The following TENM1 variants were observed in gnomAD, a reference collection of about 807,000 sequenced individuals.
TENM1 encodes the protein teneurin transmembrane protein 1.
TENM1 carries 35 observed loss-of-function variants against 174.8 expected under a neutral mutation model. The observed-to-expected ratio is 0.20, with a 90% CI of 0.15 to 0.27. The LOEUF is 0.27. TENM1 is among the 10% of genes least tolerant of loss of function. TENM1 has a pLI of 1.00. For missense variants in TENM1, 1,633 were observed against 2,130.1 expected, an observed-to-expected ratio of 0.77 and a Z score of 4.59; for synonymous variants, 781 against 798.7, an observed-to-expected ratio of 0.98 and a Z score of 0.37.
intron 3 of TENM1, among the ~76,000 whole-genome samples, chrX:124,859,882 T>G (rs2056882020): frequency 1.8e-5 from 2 of 112,351 alleles, no homozygotes; most frequent in African/African-American, 6.5e-5. Flanking sequence ...TGAGTCATAT[T>G]TCACATATTT....
chrX:124,866,826 T>C (rs138054630), intron 3 of TENM1, among the ~76,000 whole-genome samples: 1,718 of 111,467 alleles, frequency 0.015, 39 homozygotes, highest in African/African-American at 0.051. Context: ...TTACAACTTA[T>C]GCTGCAGAAA....
intron 27 of TENM1, among the ~76,000 whole-genome samples, chrX:124,399,808 A>G (rs1423627722): frequency 9.0e-6 from 1 of 111,010 alleles, no homozygotes; most frequent in African/African-American, 3.3e-5. Flanking sequence ...CTTTACAAAG[A>G]AACAAAAACA....
chrX:125,172,487 TG>T, the TENM1 span, among the ~76,000 whole-genome samples: 1 of 111,227 alleles, frequency 9.0e-6, no homozygotes, highest in East Asian at 2.8e-4. Flanking sequence ...TCCATTTATG[TG>T]GGGGAAGAAG....
chrX:125,158,062 T>C, the TENM1 span, among the ~76,000 whole-genome samples: 9,342 of 110,666 alleles, frequency 0.084, 770 homozygotes, highest in Admixed American at 0.27. Context: ...ATTTTTTGGA[T>C]ATGTTCTTAC....
chrX:125,169,820 C>CAGGCAT, the TENM1 span, among the ~76,000 whole-genome samples: 1 of 107,436 alleles, frequency 9.3e-6, no homozygotes. Context: ...TTGGTCTATT[C>CAGGCAT]ATTACTATAA....
At chrX:125,113,091 T>C in the TENM1 span, among the ~76,000 whole-genome samples, 1 of 111,588 alleles carries the variant, frequency 9.0e-6, no homozygotes, top group East Asian at 2.8e-4. Flanking sequence ...CACCTGTATA[T>C]GGTTAAATGG....
chrX:125,004,750 A>G, the TENM1 span, among the ~76,000 whole-genome samples: 2 of 111,958 alleles, frequency 1.8e-5, no homozygotes, highest in African/African-American at 6.5e-5. Context: ...ACTCCAAGAC[A>G]TCATCATATT....
chrX:125,180,827 G>C, the TENM1 span, among the ~76,000 whole-genome samples: 1 of 111,558 alleles, frequency 9.0e-6, no homozygotes, highest in East Asian at 2.8e-4. Flanking sequence ...TAAGAGACCA[G>C]GGTATTTGAT....
intron 14 of TENM1, among the ~76,000 whole-genome samples, chrX:124,552,409 C>A (rs954001040): frequency 1.2e-5 from 1 of 82,441 alleles, no homozygotes; most frequent in Non-Finnish European, 2.3e-5. Flanking sequence ...TCATATTCTT[C>A]ATTTCTTCAG....
At chrX:125,032,291 T>A in the TENM1 span, among the ~76,000 whole-genome samples, 3 of 110,053 alleles carry the variant, frequency 2.7e-5, no homozygotes, top group Non-Finnish European at 5.7e-5. Flanking sequence ...TATCTCAGCC[T>A]TCTGAGTAGC....
chrX:124,864,007 G>C (rs1261779407), intron 3 of TENM1, among the ~76,000 whole-genome samples: 1 of 112,440 alleles, frequency 8.9e-6, no homozygotes, highest in Non-Finnish European at 1.9e-5. Flanking sequence ...GACCATCAAA[G>C]TGGTACCTCT....
chrX:124,875,603 T>C lies in TENM1; in HGVS notation c.535+18693A>G, dbSNP rs912476384. 8.2e-5 allele frequency among the ~76,000 whole-genome samples: 9 copies of C among 110,337 alleles called. No homozygotes were observed. In the South Asian group the frequency reaches 3.5e-3, roughly 42 times the overall value. On this transcript the variant is annotated intron_variant, in intron 3 of 31. Coordinates refer to ENST00000422452, the Ensembl canonical transcript of TENM1. Reference sequence around the variant, plus strand: ...ATAGAAATCCTTCTAGAGCCAGGTGTGGTGGCTCACAACTGTAATCCCAGC... The same window carrying C: ...ATAGAAATCCTTCTAGAGCCAGGTGCGGTGGCTCACAACTGTAATCCCAGC...
At chrX:124,895,727 C>T (rs752220623) in intron 2 of TENM1, among the ~76,000 whole-genome samples, 3 of 111,786 alleles carry the variant, frequency 2.7e-5, no homozygotes, top group South Asian at 3.7e-4. Context: ...AAAACATGCA[C>T]GATATTATGG....
intron 25 of TENM1, among the ~76,000 whole-genome samples, chrX:124,416,548 T>G (rs746412067): frequency 8.9e-6 from 1 of 112,231 alleles, no homozygotes; most frequent in African/African-American, 3.2e-5. Context: ...AATGTTGCTA[T>G]GAAAATTTGT....
intron 11 of TENM1, among the ~76,000 whole-genome samples, chrX:124,581,667 G>A (rs1409552238): frequency 9.0e-6 from 1 of 110,955 alleles, no homozygotes; most frequent in Non-Finnish European, 1.9e-5. Flanking sequence ...CAGTGGATAA[G>A]TGTTCCTTTT....
chrX:124,491,401 T>C (rs1468872547), intron 20 of TENM1, among the ~76,000 whole-genome samples: 1 of 111,865 alleles, frequency 8.9e-6, no homozygotes, highest in African/African-American at 3.2e-5. Context: ...AGCAAATCCC[T>C]AGTGAAACCA....
At chrX:124,752,586 G>T (rs1488411005) in intron 3 of TENM1, among the ~76,000 whole-genome samples, 2 of 111,838 alleles carry the variant, frequency 1.8e-5, no homozygotes, top group Non-Finnish European at 3.8e-5. Flanking sequence ...GTCCTGAATG[G>T]TAATGCCTAG....
the TENM1 span, among the ~76,000 whole-genome samples, chrX:124,970,120 G>T: frequency 2.7e-5 from 3 of 111,289 alleles, no homozygotes; most frequent in Non-Finnish European, 5.7e-5. Flanking sequence ...TCTATGCACT[G>T]GGGATAACCT....
At chrX:124,664,679 GGTGT>G (rs576286188) in intron 6 of TENM1, among the ~76,000 whole-genome samples, 3,611 of 86,783 alleles carry the variant, frequency 0.042, 77 homozygotes, top group South Asian at 0.073. Context: ...GTACTTGTGG[GGTGT>G]GTGTGTGTGT....
Sources: allele counts gnomAD v4.1 joint callset (sites outside exome capture counted in the v4.1 genomes callset), GRCh38; gene constraint gnomAD v4.1.1; transcripts MANE v1.5; gene names NCBI Gene and HGNC (gene_info 2026-07-23, HGNC 2026-07-21).